Variants in ADAM9 observed in about 807,000 individuals in gnomAD.
The protein encoded by ADAM9 is disintegrin and metalloproteinase domain-containing protein 9.
ADAM9 carries 54 observed loss-of-function variants against 108.1 expected under a neutral mutation model. The observed-to-expected ratio is 0.50, with a 90% confidence interval of 0.40 to 0.63. The LOEUF (loss-of-function observed/expected upper bound fraction) is 0.63, where lower values mean the gene tolerates loss of function less well. Ranked by LOEUF, ADAM9 falls within the 20% of genes least tolerant of loss-of-function variation. The pLI, the probability that ADAM9 is intolerant of heterozygous loss-of-function variation, is 0.00. For missense variants in ADAM9, 830 were observed against 997.7 expected (o/e 0.83, Z 2.26); for synonymous variants, 316 against 336.0 (o/e 0.94, Z 0.65).
chr8:38,996,994 T>A lies in ADAM9; in HGVS notation c.-70T>A. ...GGCCAGACTTGGGGCCCCGGCAGGG[T>A]TGGAAAATGATGGAAGAGGCGGAGG... On this transcript the variant is annotated 5_prime_UTR_variant, in exon 1 of 22. The change creates a new upstream start codon in the 5' untranslated region. Coordinates refer to ENST00000487273, the MANE Select transcript of ADAM9 (RefSeq NM_003816.3). 1 of 1,556,714 alleles carries A rather than the reference T, an allele frequency of 6.4e-7. No homozygotes were observed. Among genetic ancestry groups the A allele is most frequent in the African/African-American group, 1.4e-5 (1 of 73,196 alleles).
intron 12 of ADAM9, among the ~76,000 whole-genome samples, chr8:39,044,286 C>T (rs1837542760): frequency 6.6e-6 from 1 of 152,126 alleles, no homozygotes. Flanking sequence ...AGATAAGGTT[C>T]CAATTTCATT....
intron 12 of ADAM9, among the ~76,000 whole-genome samples, chr8:39,049,204 C>A (rs1837873074): frequency 6.6e-6 from 1 of 151,632 alleles, no homozygotes; most frequent in Non-Finnish European, 1.5e-5. Flanking sequence ...GTTGATAATT[C>A]TTTTATCCCT....
intron 20 of ADAM9, among the ~76,000 whole-genome samples, chr8:39,092,161 T>G (rs1839376872): frequency 6.6e-6 from 1 of 152,218 alleles, no homozygotes; most frequent in Admixed American, 6.5e-5. Context: ...AATTTTTTAA[T>G]GTTTTAAAAC....
At chr8:39,046,343 ATTAG>A (rs1173454003) in intron 12 of ADAM9, among the ~76,000 whole-genome samples, 1 of 152,102 alleles carries the variant, frequency 6.6e-6, no homozygotes, top group Non-Finnish European at 1.5e-5. Context: ...GAATTTATTT[ATTAG>A]TTATAACAAG....
At chr8:39,069,645 A>G (rs944296065) in intron 14 of ADAM9, among the ~76,000 whole-genome samples, 1 of 152,198 alleles carries the variant, frequency 6.6e-6, no homozygotes, top group East Asian at 1.9e-4. Context: ...CAAAACCATG[A>G]TCTCATCCAC....
rs989157773 is a variant in ADAM9, at chr8:39,033,846, G to GT, written c.1130+7043dup. 1.0e-3 allele frequency among the ~76,000 whole-genome samples: 156 copies of GT among 151,988 alleles called. 1 individual carries two copies. The highest frequency in any genetic ancestry group is 1.7e-3 in the Non-Finnish European group (117 of 67,934). On this transcript the variant is annotated intron_variant, in intron 11 of 21. Transcript: ENST00000487273. ...TCTCCTTTATTTGTCTTCTTTTATG[G>GT]TTTTTTTCTTAAAAGTTTTCGGTCT... is the stretch of plus-strand genomic sequence containing the variant.
Position 39,018,894 on chromosome 8 carries a change from G to C in ADAM9, c.648G>C (p.Leu216=). 6.2e-7 allele frequency: 1 copy of C among 1,613,940 alleles called. No individual in the cohort carries two copies. The highest frequency in any genetic ancestry group is 8.5e-7 in the Non-Finnish European group (1 of 1,179,924). ...TGCCACAGACCCGGTATGTGGAGCT[G>C]TTCATTGTCGTAGACAAGGAAAGGG... ...AVLPQTRYVE[L]FIVVDKERYD... Residue 216 remains leucine, a synonymous_variant, in exon 7 of 22, where the codon CTG becomes CTC. Coordinates refer to ENST00000487273, the MANE Select transcript of ADAM9 (RefSeq NM_003816.3).
At chr8:39,010,239 A>C (rs1414005333) in intron 2 of ADAM9, among the ~76,000 whole-genome samples, 2 of 152,216 alleles carry the variant, frequency 1.3e-5, no homozygotes, top group Non-Finnish European at 2.9e-5. Flanking sequence ...TTTAGTAGAC[A>C]TAGCAGTGAT....
Position 39,055,845 on chromosome 8 carries a change from A to G in ADAM9, c.1591+73A>G, listed in dbSNP as rs908708036. On this transcript the variant is annotated intron_variant, in intron 14 of 21. Coordinates refer to ENST00000487273, the MANE Select transcript of ADAM9 (RefSeq NM_003816.3). ...TGATTTAGATATTTTAAAAAAGGTA[A>G]TGAAACATTATTGATAAAGTTGAGG... is the stretch of plus-strand genomic sequence containing the variant. 1.5e-5 allele frequency: 21 copies of G among 1,427,520 alleles called. No homozygotes were observed. The Admixed American group carries it at 3.7e-4, about 25-fold the overall frequency. The allele number at this position is 1,427,520 out of a possible 1,614,324, so 88.4% of individuals were successfully genotyped here. A position where few individuals can be genotyped will look rare whatever the true frequency, so the allele number is the denominator to read the frequency against.
chr8:39,037,502 C>T (rs1385787582), intron 11 of ADAM9, among the ~76,000 whole-genome samples: 4 of 131,838 alleles, frequency 3.0e-5, no homozygotes, highest in Non-Finnish European at 6.2e-5. Flanking sequence ...AGAGCAGTGG[C>T]TTGATCATAG....
intron 11 of ADAM9, among the ~76,000 whole-genome samples, chr8:39,038,535 A>G (rs1240369643): frequency 2.6e-5 from 4 of 152,132 alleles, no homozygotes; most frequent in South Asian, 2.1e-4. Flanking sequence ...TTTTTTCCCC[A>G]TAGCACTTAT....
At position 39,101,892 on chromosome 8, in the gene ADAM9, A is replaced by G. The variant is rs1401585809; in HGVS notation, c.2328A>G (p.Pro776=). 6.2e-7 allele frequency: 1 copy of G among 1,613,904 alleles called. No individual in the cohort carries two copies. Among genetic ancestry groups the G allele is most frequent in the African/African-American group, 1.3e-5 (1 of 75,006 alleles). ...TATATGCAAACAGATTTGCAGTACC[A>G]ACCTATGCAGCCAAGCAACCTCAGC... is the stretch of plus-strand genomic sequence containing the variant. ...VPIYANRFAV[P]TYAAKQPQQF... is the part of the protein sequence containing the mutation. Residue 776 remains proline, a synonymous_variant, in exon 21 of 22, where the codon CCA becomes CCG. Transcript: ENST00000487273.
intron 12 of ADAM9, among the ~76,000 whole-genome samples, chr8:39,053,834 G>A (rs747860014): frequency 3.9e-5 from 6 of 152,092 alleles, no homozygotes; most frequent in Non-Finnish European, 8.8e-5. Flanking sequence ...ATGCCTTTAT[G>A]GACACTGACC....
chr8:39,046,523 C>G (rs1230377879), intron 12 of ADAM9, among the ~76,000 whole-genome samples: 2 of 152,096 alleles, frequency 1.3e-5, no homozygotes, highest in Admixed American at 6.5e-5. Context: ...GATTGGGCAT[C>G]CTTGCTTCAT....
At chr8:39,044,928 G>A (rs1328056401) in intron 12 of ADAM9, among the ~76,000 whole-genome samples, 1 of 150,362 alleles carries the variant, frequency 6.7e-6, no homozygotes, top group African/African-American at 2.5e-5. Flanking sequence ...GTATATATGT[G>A]TGTGCACACA....
intron 9 of ADAM9, 108 bp from the exon 10 acceptor site, chr8:39,025,695 G>A (rs1225830637): frequency 1.2e-5 from 12 of 1,012,928 alleles, no homozygotes; most frequent in Admixed American, 4.0e-5. Flanking sequence ...CCATTTTCCT[G>A]CCATGTTTTG....
intron 20 of ADAM9, among the ~76,000 whole-genome samples, chr8:39,094,738 C>G (rs538222948): frequency 1.3e-5 from 2 of 151,890 alleles, no homozygotes; most frequent in East Asian, 1.9e-4. Context: ...ATAAAACTTT[C>G]TATTTCTGTG....
chr8:39,068,203 A>G (rs1838553281), intron 14 of ADAM9, among the ~76,000 whole-genome samples: 1 of 152,230 alleles, frequency 6.6e-6, no homozygotes, highest in African/African-American at 2.4e-5. Context: ...AATAAGAAGC[A>G]GAGAGGTCAC....
intron 18 of ADAM9, among the ~76,000 whole-genome samples, chr8:39,088,758 C>T (rs1839255211): frequency 6.6e-6 from 1 of 151,934 alleles, no homozygotes; most frequent in Non-Finnish European, 1.5e-5. Flanking sequence ...TTCAACTATA[C>T]AAAAATAATA....
Sources: gnomAD v4.1 joint callset for allele counts (sites outside exome capture counted in the v4.1 genomes callset) on GRCh38, gnomAD v4.1.1 for gene constraint, MANE v1.5 for transcripts, NCBI Gene and HGNC (gene_info 2026-07-23, HGNC 2026-07-21) for gene names.